The following IQSEC1 variants were observed in gnomAD, a reference collection of about 807,000 sequenced individuals.
IQSEC1 encodes IQ motif and Sec7 domain ArfGEF 1.
IQSEC1 carries 31 observed loss-of-function variants against 91.0 expected under a neutral mutation model. The ratio of observed to expected loss-of-function variants is 0.34; its 90% CI spans 0.26 to 0.46. IQSEC1 has a LOEUF of 0.46. IQSEC1 is among the 20% of genes least tolerant of loss of function. IQSEC1 has a pLI of 1.00. For synonymous variants in IQSEC1, 699 were observed against 662.6 expected, an observed-to-expected ratio of 1.05 and a Z score of -0.84; for missense variants, 1,388 against 1,575.6, an observed-to-expected ratio of 0.88 and a Z score of 2.02.
At position 13,008,390 on chromosome 3, in the gene IQSEC1, G is replaced by A. The variant is rs1226737777; in HGVS notation, c.23+64602C>T. On this transcript the variant is annotated intron_variant, in intron 1 of 13. Coordinates refer to ENST00000613206, the MANE Select transcript of IQSEC1 (RefSeq NM_001134382.3). This position sits in a 1 kb window ranked among gnomAD's most constrained non-coding sequence, Gnocchi z 4.1. ...TCCAACCCAGACGTCCTCTCTGAGA[G>A]TGCTGCCATTAGTCTCCAAACCCTC... 6.6e-6 allele frequency among the ~76,000 whole-genome samples: 1 copy of A among 152,164 alleles called. No homozygotes were observed. Among genetic ancestry groups the A allele is most frequent in the Non-Finnish European group, 1.5e-5 (1 of 68,032 alleles).
At chr3:13,152,784 C>T (rs9810020) in intron 2 of IQSEC1, among the ~76,000 whole-genome samples, 81,768 of 152,054 alleles carry the variant, frequency 0.54, 22,136 homozygotes, top group Middle Eastern at 0.57. Flanking sequence ...GCAGGAGAAT[C>T]GCTTGAACCT....
chr3:12,971,843 G>C (rs948773283), intron 1 of IQSEC1, among the ~76,000 whole-genome samples: 26 of 152,108 alleles, frequency 1.7e-4, no homozygotes, highest in African/African-American at 6.0e-4. Context: ...CCAACATGGC[G>C]AAACCCCATC....
At chr3:13,086,051 T>C (rs913141711) in intron 2 of IQSEC1, among the ~76,000 whole-genome samples, 1 of 152,164 alleles carries the variant, frequency 6.6e-6, no homozygotes, top group Non-Finnish European at 1.5e-5. Flanking sequence ...CTGAGGTTGC[T>C]GGTCACCCAG....
chr3:13,229,005 C>T (rs1027710655), intron 1 of IQSEC1, among the ~76,000 whole-genome samples: 2 of 152,204 alleles, frequency 1.3e-5, no homozygotes, highest in African/African-American at 4.8e-5. Context: ...ACCACTAGAG[C>T]CTGGCCTGGT....
chr3:13,177,185 G>T (rs1009524264), intron 1 of IQSEC1, among the ~76,000 whole-genome samples: 2 of 152,208 alleles, frequency 1.3e-5, no homozygotes, highest in African/African-American at 2.4e-5. Flanking sequence ...CTTTAAAAGG[G>T]CCAAGTGACA....
intron 2 of IQSEC1, among the ~76,000 whole-genome samples, chr3:13,143,477 C>T (rs1181012664): frequency 6.6e-6 from 1 of 152,194 alleles, no homozygotes; most frequent in African/African-American, 2.4e-5. Context: ...AGAGCCTTGG[C>T]CCTGAACCTG....
At chr3:13,281,144 C>T (rs755332033) in intron 1 of IQSEC1, among the ~76,000 whole-genome samples, 4 of 152,208 alleles carry the variant, frequency 2.6e-5, no homozygotes, top group Admixed American at 6.5e-5. Context: ...GGACTTGGGA[C>T]CTGCCCTGGT....
At chr3:12,951,848 G>A (rs1031914990) in intron 1 of IQSEC1, among the ~76,000 whole-genome samples, 1 of 152,164 alleles carries the variant, frequency 6.6e-6, no homozygotes, top group South Asian at 2.1e-4. Context: ...GAAAGGGAAC[G>A]AGTGAGCCCT....
At chr3:13,095,138 T>C (rs1391256996) in intron 2 of IQSEC1, among the ~76,000 whole-genome samples, 1 of 152,020 alleles carries the variant, frequency 6.6e-6, no homozygotes, top group Non-Finnish European at 1.5e-5. Flanking sequence ...CCTCCATCTC[T>C]GCCTGTGGGT....
At chr3:13,019,377 C>A (rs1396394855) in intron 1 of IQSEC1, among the ~76,000 whole-genome samples, 2 of 152,248 alleles carry the variant, frequency 1.3e-5, no homozygotes, top group African/African-American at 4.8e-5. Context: ...TGGGACCCAG[C>A]CAGGGGCAAC....
rs1389574291 is a variant in IQSEC1, at chr3:12,941,583, C to A, written c.306G>T (p.Leu102=). The change falls in exon 2 of 14, where the codon CTG becomes CTT. Residue 102 remains leucine, a synonymous_variant. Transcript: ENST00000613206. The part of the protein sequence containing the change: ...LSESYELSSD[L]QDKQVEMLER... ...TGTGCTCTCCTACCTGCTTGTCCTGCAGGTCCGAGGAGAGCTCATAGCTCT... is the reference window on the plus strand; with the variant it reads ...TGTGCTCTCCTACCTGCTTGTCCTGAAGGTCCGAGGAGAGCTCATAGCTCT... The A allele has an allele frequency of 6.3e-7, 1 of 1,580,006 alleles. No individual in the cohort carries two copies.
At chr3:13,124,598 T>C (rs1237124558) in intron 2 of IQSEC1, among the ~76,000 whole-genome samples, 3 of 152,148 alleles carry the variant, frequency 2.0e-5, no homozygotes, top group African/African-American at 4.8e-5. Flanking sequence ...GATTGCAAAG[T>C]GCAAATTGAA....
Position 13,170,499 on chromosome 3 carries a change from T to C in IQSEC1, c.273-6366A>G, listed in dbSNP as rs577639958. Among the ~76,000 whole-genome samples, 69 of 152,260 alleles carry C rather than the reference T, an allele frequency of 4.5e-4. 1 individual carries two copies. In the South Asian group the frequency reaches 4.6e-3, roughly 10 times the overall value. On this transcript the variant is annotated intron_variant, in intron 1 of 15. Coordinates refer to the IQSEC1 transcript ENST00000648114. ...CCAGAATGGTAGATCCACCAACAGC[T>C]TGCACCACGTGTCTGGAAAAGCTGC...
chr3:13,050,013 C>T (rs1704637590), intron 1 of IQSEC1, among the ~76,000 whole-genome samples: 1 of 152,026 alleles, frequency 6.6e-6, no homozygotes. Context: ...AGGCAGTGGC[C>T]CCTGCCTGCC....
intron 2 of IQSEC1, among the ~76,000 whole-genome samples, chr3:13,127,544 A>C (rs1321232358): frequency 6.6e-6 from 1 of 152,040 alleles, no homozygotes; most frequent in East Asian, 1.9e-4. Context: ...TTAAGTCTTA[A>C]CATCAGGTAG....
At chr3:13,222,916 G>C (rs1694688758) in intron 1 of IQSEC1, among the ~76,000 whole-genome samples, 1 of 152,238 alleles carries the variant, frequency 6.6e-6, no homozygotes, top group Non-Finnish European at 1.5e-5. Flanking sequence ...GGTAAACTCA[G>C]AAAGCAAGAG....
At chr3:13,126,745 G>A (rs2124905765) in intron 2 of IQSEC1, among the ~76,000 whole-genome samples, 1 of 152,258 alleles carries the variant, frequency 6.6e-6, no homozygotes, top group East Asian at 1.9e-4. Context: ...TGCCACTTTG[G>A]TTTTAATTTG....
chr3:13,132,600 C>G (rs939072002), intron 2 of IQSEC1, among the ~76,000 whole-genome samples: 2 of 152,190 alleles, frequency 1.3e-5, no homozygotes, highest in African/African-American at 4.8e-5. Context: ...CCTGGCTTCC[C>G]TCTCTCTGAG....
At chr3:13,271,133 T>G (rs570712654) in intron 1 of IQSEC1, among the ~76,000 whole-genome samples, 54 of 152,022 alleles carry the variant, frequency 3.6e-4, no homozygotes, top group Non-Finnish European at 5.7e-4. Flanking sequence ...ATCCCAGCAC[T>G]TTGGGAGGCT....
Sources: allele counts gnomAD v4.1 joint callset (sites outside exome capture counted in the v4.1 genomes callset), GRCh38; gene constraint gnomAD v4.1.1; non-coding constraint Gnocchi (gnomAD v3.1); transcripts MANE v1.5; gene names NCBI Gene and HGNC (gene_info 2026-07-23, HGNC 2026-07-21).